The following LARGE1 variants were observed in gnomAD, a reference collection of about 807,000 sequenced individuals.
The protein encoded by LARGE1 is xylosyl- and glucuronyltransferase LARGE1.
A neutral mutation model predicts 87.6 loss-of-function variants in LARGE1; 43 were observed. That is an observed-to-expected ratio of 0.49 (90% confidence interval 0.38 to 0.63). LARGE1 has a LOEUF of 0.63. Ranked by LOEUF, LARGE1 falls within the 30% of genes least tolerant of loss-of-function variation. LARGE1 has a pLI of 0.00. For missense variants in LARGE1, 802 were observed against 1,000.2 expected, an observed-to-expected ratio of 0.80 and a Z score of 2.67; for synonymous variants, 434 against 394.6, an observed-to-expected ratio of 1.10 and a Z score of -1.18.
intron 1 of LARGE1, among the ~76,000 whole-genome samples, chr22:33,918,832 C>A (rs1248409475): frequency 2.6e-5 from 4 of 152,174 alleles, no homozygotes; most frequent in African/African-American, 9.7e-5. Context: ...AGAAAGGCAT[C>A]TGCATGTCAG....
intron 1 of LARGE1, among the ~76,000 whole-genome samples, chr22:33,905,638 C>T (rs899179743): frequency 2.0e-5 from 3 of 152,144 alleles, no homozygotes; most frequent in Admixed American, 6.5e-5. Context: ...GGCTTAAATG[C>T]CCTGTTTCTG....
chr22:33,127,166 T>C, the LARGE1 span, among the ~76,000 whole-genome samples: 1 of 152,210 alleles, frequency 6.6e-6, no homozygotes, highest in Non-Finnish European at 1.5e-5. Flanking sequence ...ACGGAACGCA[T>C]AGGAGCAAGT....
At chr22:33,165,443 G>A (rs1408244998) in exon 12 of LARGE1, 2 of 152,158 alleles carry the variant, frequency 1.3e-5, no homozygotes, top group East Asian at 3.9e-4. Context: ...TAGGTTCTGA[G>A]AAAATGCTGT....
chr22:33,802,169 A>T, intron 1 of LARGE1, among the ~76,000 whole-genome samples: 1 of 152,196 alleles, frequency 6.6e-6, no homozygotes, highest in East Asian at 1.9e-4. Flanking sequence ...GAAACAAAAG[A>T]AATTCTGACC....
At chr22:33,780,880 CACACA>C (rs2085397601) in intron 1 of LARGE1, among the ~76,000 whole-genome samples, 1 of 152,234 alleles carries the variant, frequency 6.6e-6, no homozygotes, top group African/African-American at 2.4e-5. Context: ...ATATCTCACT[CACACA>C]ACACATTAGA....
chr22:33,915,525 T>C (rs770087167), intron 1 of LARGE1, among the ~76,000 whole-genome samples: 5 of 152,250 alleles, frequency 3.3e-5, no homozygotes, highest in Admixed American at 6.5e-5. Context: ...GTAATTCATG[T>C]ACACAAGAGG....
intron 11 of LARGE1, among the ~76,000 whole-genome samples, chr22:33,178,191 G>A (rs7290016): frequency 0.17 from 25,395 of 152,090 alleles, 2,277 homozygotes; most frequent in South Asian, 0.32. Context: ...GATCACCAGG[G>A]CCAAATGAGT....
intron 1 of LARGE1, among the ~76,000 whole-genome samples, 153 bp downstream of exon 1, chr22:33,919,842 C>T (rs1400200108): frequency 6.6e-6 from 1 of 152,216 alleles, no homozygotes; most frequent in Admixed American, 6.5e-5. Flanking sequence ...CCTCCAGCCT[C>T]TCCAGGGCTC....
chr22:33,821,339 CA>C (rs888125731), intron 1 of LARGE1, among the ~76,000 whole-genome samples: 8 of 149,242 alleles, frequency 5.4e-5, no homozygotes, highest in Admixed American at 5.4e-4. Context: ...ATGGTGCAGC[CA>C]AAAAAAAAGC....
intron 6 of LARGE1, among the ~76,000 whole-genome samples, chr22:33,478,820 C>T (rs2069187463): frequency 6.6e-6 from 1 of 152,122 alleles, no homozygotes; most frequent in Non-Finnish European, 1.5e-5. Context: ...TAGTCCAAGT[C>T]CCTGATGTGG....
At position 33,438,576 on chromosome 22, in the gene LARGE1, G is replaced by A. The variant is rs60920302; in HGVS notation, c.788-6311C>T. Among the ~76,000 whole-genome samples, 964 of 152,250 alleles carry A rather than the reference G, an allele frequency of 6.3e-3. 8 individuals carry two copies. The highest frequency in any genetic ancestry group is 0.021 in the African/African-American group (881 of 41,546). ...CCAGCCAGCAGATGGATGGCTCTAC[G>A]CAGGGAACTCTCCTCTCTTCTTCCT... On this transcript the variant is annotated intron_variant, in intron 6 of 14. Coordinates refer to ENST00000397394, the MANE Select transcript of LARGE1 (RefSeq NM_133642.5).
chr22:33,184,073 G>A (rs1193639943), intron 11 of LARGE1, among the ~76,000 whole-genome samples: 2 of 72,246 alleles, frequency 2.8e-5, no homozygotes, highest in African/African-American at 1.0e-4. Context: ...TAATTTGACT[G>A]TGGTAATCAG....
chr22:33,431,520 G>A (rs1183062094), intron 7 of LARGE1, among the ~76,000 whole-genome samples: 1 of 152,104 alleles, frequency 6.6e-6, no homozygotes, highest in Non-Finnish European at 1.5e-5. Context: ...CCTCAAAAGT[G>A]CTGATTAGCA....
At chr22:33,375,348 G>A (rs1266024227) in intron 9 of LARGE1, among the ~76,000 whole-genome samples, 1 of 151,998 alleles carries the variant, frequency 6.6e-6, no homozygotes, top group East Asian at 1.9e-4. Context: ...ACGGTAATAT[G>A]GTTATTTATA....
At chr22:33,480,887 T>C (rs1402359935) in intron 6 of LARGE1, among the ~76,000 whole-genome samples, 2 of 152,196 alleles carry the variant, frequency 1.3e-5, no homozygotes, top group Admixed American at 1.3e-4. Flanking sequence ...CATTTCCTCA[T>C]GTCGACACTC....
At chr22:33,209,924 C>T (rs1208619162) in intron 11 of LARGE1, among the ~76,000 whole-genome samples, 1 of 152,232 alleles carries the variant, frequency 6.6e-6, no homozygotes, top group African/African-American at 2.4e-5. Flanking sequence ...AATGGTATTA[C>T]AGGCATGAGC....
chr22:33,788,871 G>C (rs1344782787), intron 1 of LARGE1, among the ~76,000 whole-genome samples: 1 of 152,156 alleles, frequency 6.6e-6, no homozygotes, highest in Non-Finnish European at 1.5e-5. Flanking sequence ...GATATGGTTT[G>C]GAATTGGAAT....
the LARGE1 span, among the ~76,000 whole-genome samples, chr22:33,072,830 C>T: frequency 6.6e-6 from 1 of 152,170 alleles, no homozygotes. Flanking sequence ...GACCTTTTCT[C>T]ATCCATTCTC....
chr22:33,281,007 T>C (rs1392351405), intron 13 of LARGE1, among the ~76,000 whole-genome samples: 1 of 152,164 alleles, frequency 6.6e-6, no homozygotes, highest in Non-Finnish European at 1.5e-5. Flanking sequence ...GGGGTGTGGA[T>C]GTTTTCTCAT....
Sources: allele counts gnomAD v4.1 joint callset (sites outside exome capture counted in the v4.1 genomes callset), GRCh38; gene constraint gnomAD v4.1.1; transcripts MANE v1.5; gene names NCBI Gene and HGNC (gene_info 2026-07-23, HGNC 2026-07-21).